The following CEP15 variants were observed in gnomAD, a reference collection of about 807,000 sequenced individuals.
CEP15 encodes the protein centrosomal protein 15 kDa.
chr3:62,331,224 A>C, the CEP15 span: 11 of 925,370 alleles, frequency 1.2e-5, no homozygotes, highest in Non-Finnish European at 1.9e-5. Context: ...ATATCCAGAG[A>C]AGAGTTGAGG....
At chr3:62,324,920 C>T in the CEP15 span, among the ~76,000 whole-genome samples, 104 of 152,202 alleles carry the variant, frequency 6.8e-4, 1 homozygote, top group Non-Finnish European at 1.2e-3. Flanking sequence ...ATAACACTAG[C>T]ATTTTGGAAT....
the CEP15 span, chr3:62,319,049 G>A: frequency 1.3e-5 from 2 of 152,434 alleles, no homozygotes; most frequent in Non-Finnish European, 2.9e-5. Context: ...GCTCAGAGGC[G>A]GGCTCGGTGA....
the CEP15 span, among the ~76,000 whole-genome samples, chr3:62,324,403 G>C: frequency 6.6e-6 from 1 of 151,924 alleles, no homozygotes; most frequent in Admixed American, 6.6e-5. Flanking sequence ...CTCTGTGTCT[G>C]GGGAAAAATA....
At chr3:62,323,503 G>T in the CEP15 span, among the ~76,000 whole-genome samples, 1 of 152,136 alleles carries the variant, frequency 6.6e-6, no homozygotes, top group African/African-American at 2.4e-5. Flanking sequence ...TGTGTTATGG[G>T]ACCAAAGAAG....
At chr3:62,319,949 C>T in the CEP15 span, 1 of 152,394 alleles carries the variant, frequency 6.6e-6, no homozygotes, top group Admixed American at 6.5e-5. Flanking sequence ...TGCTTTTCCT[C>T]GCAGTTACAC....
the CEP15 span, among the ~76,000 whole-genome samples, chr3:62,327,055 C>G: frequency 6.6e-6 from 1 of 152,164 alleles, no homozygotes; most frequent in East Asian, 1.9e-4. Flanking sequence ...TGATAAGTCT[C>G]TAAAAGTATC....
At chr3:62,320,703 T>A in the CEP15 span, among the ~76,000 whole-genome samples, 16 of 152,182 alleles carry the variant, frequency 1.1e-4, 1 homozygote, top group Middle Eastern at 3.2e-3. Context: ...GATTAAAAGG[T>A]ATGTTCTATG....
At chr3:62,329,449 C>G in the CEP15 span, among the ~76,000 whole-genome samples, 1 of 152,096 alleles carries the variant, frequency 6.6e-6, no homozygotes, top group African/African-American at 2.4e-5. Context: ...TGCCACAGAT[C>G]TTAAGAAAGC....
At chr3:62,323,934 A>G in the CEP15 span, 2 of 152,214 alleles carry the variant, frequency 1.3e-5, 1 homozygote, top group South Asian at 4.1e-4. Flanking sequence ...TATATCACAA[A>G]CACAGTGCTT....
the CEP15 span, among the ~76,000 whole-genome samples, chr3:62,329,382 A>G: frequency 3.3e-5 from 5 of 152,190 alleles, no homozygotes; most frequent in Non-Finnish European, 7.4e-5. Flanking sequence ...AGTAAAAGTT[A>G]TTAAAGCTAG....
At chr3:62,322,093 T>G in the CEP15 span, 1 of 1,577,518 alleles carries the variant, frequency 6.3e-7, no homozygotes, top group Non-Finnish European at 8.6e-7. The surrounding 1 kb of genome is among the most constrained non-coding windows in gnomAD (Gnocchi z 5.5). Flanking sequence ...TTATCCCACC[T>G]TCTCAAAAAT....
At chr3:62,320,366 G>A in the CEP15 span, 1 of 805,278 alleles carries the variant, frequency 1.2e-6, no homozygotes, top group South Asian at 1.9e-5. Context: ...TCTTCTGAGA[G>A]AACCAATGGA....
chr3:62,324,561 G>A, the CEP15 span, among the ~76,000 whole-genome samples: 3 of 152,074 alleles, frequency 2.0e-5, no homozygotes, highest in Non-Finnish European at 4.4e-5. Flanking sequence ...ACCTGCTTTG[G>A]GTCAAAGCCT....
chr3:62,320,291 GAAT>G, the CEP15 span, among the ~76,000 whole-genome samples: 1 of 152,188 alleles, frequency 6.6e-6, no homozygotes, highest in African/African-American at 2.4e-5. Context: ...CTGGCATGCT[GAAT>G]AAAAATGTGT....
chr3:62,323,370 G>T, the CEP15 span, among the ~76,000 whole-genome samples: 1 of 152,118 alleles, frequency 6.6e-6, no homozygotes, highest in Non-Finnish European at 1.5e-5. Context: ...TGTTTCAATA[G>T]GCAGAAGGCA....
At chr3:62,322,520 T>C in the CEP15 span, 1 of 157,168 alleles carries the variant, frequency 6.4e-6, no homozygotes, top group Admixed American at 6.5e-5. The surrounding 1 kb of genome is among the most constrained non-coding windows in gnomAD (Gnocchi z 5.5). Flanking sequence ...TGATAACAGA[T>C]TTCCCAGCTC....
At chr3:62,328,394 C>T in the CEP15 span, among the ~76,000 whole-genome samples, 12 of 152,126 alleles carry the variant, frequency 7.9e-5, no homozygotes, top group African/African-American at 2.7e-4. Flanking sequence ...CCAGGGTGTA[C>T]CCCCACTAGG....
the CEP15 span, among the ~76,000 whole-genome samples, chr3:62,323,728 A>C: frequency 6.6e-6 from 1 of 152,220 alleles, no homozygotes. Flanking sequence ...ACCTGGTTTC[A>C]TAGTTATGAG....
the CEP15 span, chr3:62,333,582 CT>C: frequency 3.8e-6 from 2 of 530,988 alleles, no homozygotes; most frequent in South Asian, 5.3e-5. This position sits in a 1 kb window ranked among gnomAD's most constrained non-coding sequence, Gnocchi z 4.0. Context: ...CATGAATTTG[CT>C]TTCTACCAAA....
Sources: allele counts gnomAD v4.1 joint callset (sites outside exome capture counted in the v4.1 genomes callset), GRCh38; gene constraint gnomAD v4.1.1; non-coding constraint Gnocchi (gnomAD v3.1); transcripts MANE v1.5; gene names NCBI Gene and HGNC (gene_info 2026-07-23, HGNC 2026-07-21).